GPC5: variants seen among roughly 807,000 people sequenced by gnomAD.
The protein encoded by GPC5 is glypican 5, also known as glypican-5.
Under a neutral mutation model 53.9 loss-of-function variants are expected in GPC5, and 47 were observed. The ratio of observed to expected loss-of-function variants is 0.87; its 90% CI spans 0.69 to 1.11. The LOEUF (loss-of-function observed/expected upper bound fraction) is 1.11. Among genes scored for constraint, GPC5 ranks in the 50% most tolerant of loss-of-function variants. The probability of loss-of-function intolerance (pLI) is 0.00; values close to 1 mark genes in which losing one functional copy is unlikely to be tolerated. For missense variants in GPC5, 748 were observed against 713.1 expected, an observed-to-expected ratio of 1.05 and a Z score of -0.56; for synonymous variants, 286 against 263.3, an observed-to-expected ratio of 1.09 and a Z score of -0.84.
intron 3 of GPC5, among the ~76,000 whole-genome samples, chr13:91,698,050 C>T (rs1158147309): frequency 4.6e-5 from 7 of 151,942 alleles, no homozygotes; most frequent in South Asian, 2.1e-4. Flanking sequence ...TACAGGCATG[C>T]GTCACCACAC....
intron 6 of GPC5, among the ~76,000 whole-genome samples, chr13:92,086,982 C>G (rs1371420010): frequency 6.6e-6 from 1 of 152,178 alleles, no homozygotes; most frequent in African/African-American, 2.4e-5. Flanking sequence ...TTAAGCACCT[C>G]AAGTGCTTTA....
chr13:92,224,850 T>C (rs2042473537), intron 7 of GPC5, among the ~76,000 whole-genome samples: 1 of 152,236 alleles, frequency 6.6e-6, no homozygotes, highest in Admixed American at 6.5e-5. Flanking sequence ...TTACAGACTT[T>C]GCCTCATGTA....
intron 7 of GPC5, among the ~76,000 whole-genome samples, chr13:92,754,218 C>T (rs1874736603): frequency 6.6e-6 from 1 of 152,114 alleles, no homozygotes; most frequent in African/African-American, 2.4e-5. Flanking sequence ...AATTTCATAT[C>T]CAGCCAAACT....
intron 2 of GPC5, among the ~76,000 whole-genome samples, chr13:91,477,117 A>T (rs1882976078): frequency 6.6e-6 from 1 of 152,164 alleles, no homozygotes. Flanking sequence ...TCTTTGGATG[A>T]AGATTATGGT....
intron 7 of GPC5, among the ~76,000 whole-genome samples, chr13:92,571,511 T>C (rs1184649256): frequency 6.6e-6 from 1 of 152,176 alleles, no homozygotes; most frequent in Admixed American, 6.6e-5. Context: ...ATAACCAGAT[T>C]TCATATAAAT....
At chr13:91,701,948 A>G (rs1291823755) in intron 3 of GPC5, among the ~76,000 whole-genome samples, 1 of 152,114 alleles carries the variant, frequency 6.6e-6, no homozygotes, top group East Asian at 1.9e-4. Context: ...CCACATCCTC[A>G]GAACACTTGT....
chr13:92,822,800 C>T (rs761379122), intron 7 of GPC5, among the ~76,000 whole-genome samples: 7 of 152,058 alleles, frequency 4.6e-5, no homozygotes, highest in Non-Finnish European at 7.4e-5. Context: ...ATGTATCTTA[C>T]GGAAATCAAA....
At chr13:92,239,413 A>T (rs937181287) in intron 7 of GPC5, among the ~76,000 whole-genome samples, 1 of 152,028 alleles carries the variant, frequency 6.6e-6, no homozygotes, top group African/African-American at 2.4e-5. Context: ...TCATTCAGTG[A>T]ATACCCGCAC....
intron 7 of GPC5, among the ~76,000 whole-genome samples, chr13:92,384,932 A>G (rs1021688323): frequency 2.0e-5 from 3 of 152,076 alleles, no homozygotes; most frequent in East Asian, 3.9e-4. Flanking sequence ...TTGACTTTGA[A>G]AGCACTCCTA....
chr13:92,483,897 G>A (rs1879452726), intron 7 of GPC5, among the ~76,000 whole-genome samples: 1 of 151,982 alleles, frequency 6.6e-6, no homozygotes, highest in Admixed American at 6.6e-5. Context: ...GGAGGTCAAG[G>A]TGGGAAAAGG....
chr13:91,793,311 T>C (rs2037998010), intron 5 of GPC5, among the ~76,000 whole-genome samples: 1 of 152,156 alleles, frequency 6.6e-6, no homozygotes, highest in Non-Finnish European at 1.5e-5. Context: ...ACCGCCCCCA[T>C]GATTCAGTTA....
chr13:91,502,771 T>C (rs1450080985), intron 2 of GPC5, among the ~76,000 whole-genome samples: 3 of 152,192 alleles, frequency 2.0e-5, no homozygotes. Flanking sequence ...TAGTATCATC[T>C]CATTTAGCCT....
At chr13:92,588,583 A>G (rs1037685642) in intron 7 of GPC5, among the ~76,000 whole-genome samples, 1 of 152,160 alleles carries the variant, frequency 6.6e-6, no homozygotes, top group Non-Finnish European at 1.5e-5. Context: ...TTTTCTCATC[A>G]TATAATAACA....
chr13:92,799,800 TC>T (rs1410226000), intron 7 of GPC5, among the ~76,000 whole-genome samples: 1 of 151,858 alleles, frequency 6.6e-6, no homozygotes, highest in South Asian at 2.1e-4. Flanking sequence ...GTCGCTTTTC[TC>T]CTTTCTCTTT....
At chr13:91,867,352 T>A (rs2039096520) in intron 5 of GPC5, among the ~76,000 whole-genome samples, 1 of 152,222 alleles carries the variant, frequency 6.6e-6, no homozygotes, top group African/African-American at 2.4e-5. Context: ...TGAACTCTAA[T>A]CTTCTACACC....
chr13:91,450,053 A>T (rs1007755633), intron 2 of GPC5, among the ~76,000 whole-genome samples: 9 of 152,158 alleles, frequency 5.9e-5, no homozygotes, highest in African/African-American at 9.6e-5. Context: ...TTTTAAAATG[A>T]TAGTTATTAA....
chr13:91,479,392 A>G (rs1341237331), intron 2 of GPC5, among the ~76,000 whole-genome samples: 1 of 152,202 alleles, frequency 6.6e-6, no homozygotes, highest in East Asian at 1.9e-4. Flanking sequence ...ATGTCAGTAG[A>G]GACCAAATTG....
chr13:92,151,313 G>A (rs73620826), intron 7 of GPC5, among the ~76,000 whole-genome samples: 1,785 of 152,148 alleles, frequency 0.012, 36 homozygotes, highest in African/African-American at 0.04. Flanking sequence ...GGAAATCTGA[G>A]GGTGGAGCAT....
chr13:92,562,214 C>T (rs1441943814), intron 7 of GPC5, among the ~76,000 whole-genome samples: 1 of 152,070 alleles, frequency 6.6e-6, no homozygotes, highest in Admixed American at 6.6e-5. Flanking sequence ...ATTCCATAAG[C>T]CTCAGAAAAT....
Sources: allele counts gnomAD v4.1 joint callset (sites outside exome capture counted in the v4.1 genomes callset), GRCh38; gene constraint gnomAD v4.1.1; transcripts MANE v1.5; gene names NCBI Gene and HGNC (gene_info 2026-07-23, HGNC 2026-07-21).